Variants in ZMPSTE24 observed in about 807,000 individuals in gnomAD.
The protein encoded by ZMPSTE24 is zinc metallopeptidase STE24, also known as CAAX prenyl protease 1 homolog.
In ZMPSTE24, 48 loss-of-function variants were observed where a neutral mutation model predicts 56.7. The ratio of observed to expected loss-of-function variants is 0.85; its 90% CI spans 0.67 to 1.08. The LOEUF is 1.08. Ranked by LOEUF, ZMPSTE24 falls within the 50% of genes least tolerant of loss-of-function variation. The pLI is 0.00. For synonymous variants in ZMPSTE24, 172 were observed against 195.2 expected (o/e 0.88, Z 0.99); for missense variants, 503 against 548.7 (o/e 0.92, Z 0.83).
At position 40,267,863 on chromosome 1, in the gene ZMPSTE24, A is replaced by G; in HGVS notation, c.348A>G (p.Pro116=). 6.2e-7 allele frequency: 1 copy of G among 1,612,556 alleles called. No individual in the cohort carries two copies. The highest frequency in any genetic ancestry group is 1.7e-4 in the Middle Eastern group (1 of 6,058). The change falls in exon 3 of 10, where the codon CCA becomes CCG. Residue 116 remains proline (P), a synonymous_variant. Transcript: ENST00000372759. The part of the protein sequence containing the change: ...GRFCGYAGFG[P]EYEITQSLVF... ...TCTGTGGTTATGCTGGCTTTGGACC[A>G]GAATATGAGGTATGTGATTCATTAG...
At chr1:40,289,173 T>G (rs1643814778) in intron 8 of ZMPSTE24, among the ~76,000 whole-genome samples, 1 of 152,252 alleles carries the variant, frequency 6.6e-6, no homozygotes, top group African/African-American at 2.4e-5. Flanking sequence ...AGCCATCTGC[T>G]TATTTAACTT....
intron 6 of ZMPSTE24, among the ~76,000 whole-genome samples, chr1:40,278,395 A>G (rs1280607793): frequency 6.6e-6 from 1 of 151,578 alleles, no homozygotes; most frequent in Non-Finnish European, 1.5e-5. Context: ...CGTCTCTACT[A>G]AAAATACAAA....
At chr1:40,280,467 T>C (rs185921615) in intron 6 of ZMPSTE24, among the ~76,000 whole-genome samples, 3 of 152,100 alleles carry the variant, frequency 2.0e-5, no homozygotes, top group Non-Finnish European at 2.9e-5. Context: ...GTCTGTTGCC[T>C]AGGCTGGAGT....
At chr1:40,263,987 G>A (rs539457751) in intron 2 of ZMPSTE24, among the ~76,000 whole-genome samples, 14 of 152,236 alleles carry the variant, frequency 9.2e-5, no homozygotes, top group Admixed American at 7.8e-4. Flanking sequence ...ATTTTTGCAT[G>A]TTTCTATGTG....
In ZMPSTE24 at chr1:40,294,071, T is replaced by A. The variant is rs1445710463; in HGVS notation, c.*1402T>A. 1 of 152,826 alleles carries A rather than the reference T, an allele frequency of 6.5e-6. No homozygotes were observed. Among genetic ancestry groups the A allele is most frequent in the African/African-American group, 2.4e-5 (1 of 41,594 alleles). The allele number at this position is 152,826 out of a possible 1,614,324, so 9.5% of individuals were successfully genotyped here. The stretch of plus-strand genomic sequence containing the variant: ...AGTCCTATGCTTTTATTCAGCATCC[T>A]TTATCTGTGACTTCATGCTCTGATA... On this transcript the variant is annotated 3_prime_UTR_variant, in exon 10 of 10. Coordinates refer to ENST00000372759, the MANE Select transcript of ZMPSTE24 (RefSeq NM_005857.5).
chr1:40,274,119 G>T (rs1643646056), intron 6 of ZMPSTE24, among the ~76,000 whole-genome samples: 1 of 152,142 alleles, frequency 6.6e-6, no homozygotes, highest in Non-Finnish European at 1.5e-5. Flanking sequence ...ACCAGTGCTG[G>T]GCTTGGTGGC....
chr1:40,288,348 A>C (rs996025345), intron 8 of ZMPSTE24, among the ~76,000 whole-genome samples: 2 of 152,174 alleles, frequency 1.3e-5, no homozygotes, highest in Non-Finnish European at 2.9e-5. Context: ...TCCAGGTCCA[A>C]GTTCAATTGA....
At chr1:40,274,962 G>T (rs1264509039) in intron 6 of ZMPSTE24, among the ~76,000 whole-genome samples, 1 of 152,048 alleles carries the variant, frequency 6.6e-6, no homozygotes, top group Non-Finnish European at 1.5e-5. Flanking sequence ...TAGATATATG[G>T]TAGTTTCCTG....
In ZMPSTE24 at chr1:40,290,883, T is replaced by C; in HGVS notation, c.1089T>C (p.Phe363=). 1 of 1,614,104 alleles carries C rather than the reference T, an allele frequency of 6.2e-7. No individual in the cohort carries two copies. The highest frequency in any genetic ancestry group is 2.2e-5 in the East Asian group (1 of 44,858). ...QMNSFLCFFL[F]AVLIGRKELF... ...ATTCTTTCCTGTGTTTTTTTTTATT[T>C]GCTGTATTAATTGGTCGAAAGGAGC... Residue 363 remains phenylalanine, a synonymous_variant, in exon 9 of 10, where the codon TTT becomes TTC. Coordinates refer to ENST00000372759, the MANE Select transcript of ZMPSTE24 (RefSeq NM_005857.5).
chr1:40,278,557 C>CAAAAAAAAAAAAAAAAAAAA (rs397979953), intron 6 of ZMPSTE24, among the ~76,000 whole-genome samples: 1 of 19,560 alleles, frequency 5.1e-5, no homozygotes, highest in Non-Finnish European at 9.5e-5. Flanking sequence ...GACTCCGTCT[C>CAAAAAAAAAAAAAAAAAAAA]AAAAAAAAAA....
At position 40,258,432 on chromosome 1, in the gene ZMPSTE24, G is replaced by T. The variant is rs3765485; in HGVS notation, c.123+38G>T. Reference sequence around the variant, plus strand: ...AGGGTCCAACCTGACCCCCATACCCGGCCAGCCCTGGAGTAGCCTTGGCTT... The same window carrying T: ...AGGGTCCAACCTGACCCCCATACCCTGCCAGCCCTGGAGTAGCCTTGGCTT... On this transcript the variant is annotated intron_variant, in intron 1 of 9. Coordinates refer to ENST00000372759, the MANE Select transcript of ZMPSTE24 (RefSeq NM_005857.5). 7.5e-4 allele frequency: 1,208 copies of T among 1,613,322 alleles called. 17 individuals are homozygous for T. In the East Asian group the frequency reaches 0.025, roughly 33 times the overall value.
chr1:40,273,668 ATAC>A (rs1643639628), intron 6 of ZMPSTE24, among the ~76,000 whole-genome samples: 2 of 146,864 alleles, frequency 1.4e-5, no homozygotes, highest in Admixed American at 1.4e-4. Context: ...AAGCCAGTTC[ATAC>A]TTACTTCTTT....
At chr1:40,275,198 T>A (rs1643655443) in intron 6 of ZMPSTE24, among the ~76,000 whole-genome samples, 1 of 144,874 alleles carries the variant, frequency 6.9e-6, no homozygotes, top group African/African-American at 2.6e-5. Context: ...GGTGGGCGGA[T>A]CACTTGAGGT....
rs1641840741 is a variant in ZMPSTE24 at position 40,293,584 on chromosome 1, CTG to C, written c.*918_*919del. The C allele has an allele frequency of 6.6e-6, 1 of 152,302 alleles. No individual in the cohort carries two copies. Among genetic ancestry groups the C allele is most frequent in the South Asian group, 2.1e-4 (1 of 4,828 alleles). 9.4% of individuals were successfully genotyped at this position (152,302 alleles called of 1,614,324 possible). The stretch of plus-strand genomic sequence containing the variant: ...ATAAGGATGAAATACTGATGAATCT[CTG>C]TGACATTACAGGGAAAAAAATATAG... On this transcript the variant is annotated 3_prime_UTR_variant, in exon 10 of 10. Coordinates refer to ENST00000372759, the MANE Select transcript of ZMPSTE24 (RefSeq NM_005857.5).
chr1:40,263,630 T>C (rs1643519967), intron 2 of ZMPSTE24, among the ~76,000 whole-genome samples: 2 of 152,236 alleles, frequency 1.3e-5, no homozygotes, highest in African/African-American at 4.8e-5. Context: ...AAACCTTGTT[T>C]TGTTTGGAAA....
At position 40,293,161 on chromosome 1, in the gene ZMPSTE24, G is replaced by C. The variant is rs1643860257; in HGVS notation, c.*492G>C. ...GTTTTAAATAAGAAAGGTAATAGTT[G>C]GTAAGGCCAATGTTATTTAAATGAA... On this transcript the variant is annotated 3_prime_UTR_variant, in exon 10 of 10. Coordinates refer to ENST00000372759, the MANE Select transcript of ZMPSTE24 (RefSeq NM_005857.5). The C allele has an allele frequency of 6.4e-6, 1 of 156,184 alleles. No individual in the cohort carries two copies. Among genetic ancestry groups the C allele is most frequent in the African/African-American group, 2.4e-5 (1 of 41,456 alleles). The allele number at this position is 156,184 out of a possible 1,614,324, so 9.7% of individuals were successfully genotyped here.
intron 1 of ZMPSTE24, 35 bp downstream of exon 1, chr1:40,258,429 C>T (rs749460812): frequency 1.4e-5 from 23 of 1,613,386 alleles, no homozygotes; most frequent in Non-Finnish European, 1.9e-5. Context: ...GACCCCCATA[C>T]CCGGCCAGCC....
chr1:40,270,158 G>A (rs2124582242), intron 5 of ZMPSTE24, 31 bp downstream of exon 5: 1 of 1,611,980 alleles, frequency 6.2e-7, no homozygotes, highest in South Asian at 1.1e-5. Flanking sequence ...GTTTTCTTTT[G>A]CAAAAGTTCC....
chr1:40,290,551 C>T (rs1313022642), intron 8 of ZMPSTE24: 1 of 287,454 alleles, frequency 3.5e-6, no homozygotes, highest in African/African-American at 2.4e-5. Context: ...AGCTCCGCCT[C>T]CCGGGTTCAC....
Sources: allele counts gnomAD v4.1 joint callset (sites outside exome capture counted in the v4.1 genomes callset), GRCh38; gene constraint gnomAD v4.1.1; transcripts MANE v1.5; gene names NCBI Gene and HGNC (gene_info 2026-07-23, HGNC 2026-07-21).